DGKK: variants seen among roughly 807,000 people sequenced by gnomAD.
DGKK encodes the protein diacylglycerol kinase kappa.
In DGKK, 35 loss-of-function variants were observed where a neutral mutation model predicts 92.2. The observed-to-expected ratio is 0.38, with a 90% CI of 0.29 to 0.50. The LOEUF (loss-of-function observed/expected upper bound fraction) is 0.50, where lower values mean the gene tolerates loss of function less well. Among genes scored for constraint, DGKK ranks in the 20% least tolerant of loss-of-function variants. DGKK has a pLI of 0.92. For missense variants in DGKK, 910 were observed against 992.2 expected (o/e 0.92, Z 1.11); for synonymous variants, 368 against 360.6 (o/e 1.02, Z -0.23).
At chrX:50,465,313 G>A (rs1926869831) in intron 1 of DGKK, among the ~76,000 whole-genome samples, 3 of 109,173 alleles carry the variant, frequency 2.7e-5, no homozygotes, top group Non-Finnish European at 5.7e-5. Flanking sequence ...TTCATTATCT[G>A]GGGTCACTGT....
Position 50,408,624 on chromosome X carries a change from C to A in DGKK, c.943-4440G>T, listed in dbSNP as rs192927290. Among the ~76,000 whole-genome samples the A allele has an allele frequency of 0.015, 1,662 of 110,605 alleles. 80 individuals are homozygous for A. In the East Asian group the frequency reaches 0.23, roughly 15 times the overall value. On this transcript the variant is annotated intron_variant, in intron 4 of 27. Coordinates refer to ENST00000611977, the MANE Select transcript of DGKK (RefSeq NM_001013742.4). ...GGTCTCGATCTCCTGACCTCGTGAT[C>A]CGCCCGCCTCGGCCTCCCAAAGTGC...
intron 27 of DGKK, 81 bp from the exon 28 acceptor site, chrX:50,369,100 C>T (rs1439458325): frequency 1.4e-6 from 1 of 737,112 alleles, no homozygotes; most frequent in East Asian, 3.4e-5. Flanking sequence ...CAAAAGAGAG[C>T]AAAAAGTCTG....
chrX:50,394,840 T>C (rs1557225931), intron 8 of DGKK, among the ~76,000 whole-genome samples: 1 of 111,146 alleles, frequency 9.0e-6, no homozygotes, highest in Non-Finnish European at 1.9e-5. Flanking sequence ...AGACAGAGTG[T>C]CAGGGATGGC....
chrX:50,443,870 C>T (rs1926226187), intron 1 of DGKK, among the ~76,000 whole-genome samples: 1 of 110,553 alleles, frequency 9.0e-6, no homozygotes, highest in African/African-American at 3.3e-5. Flanking sequence ...CTGCCCCCTC[C>T]CATCCCTAAT....
Position 50,386,602 on chromosome X carries a change from G to A in DGKK, c.2119-16C>T. ...TTAAGTCACTCTATATAGAAAGGAA[G>A]GAGACAGGGCATTGTTATGAGGGAC... On this transcript the variant is annotated splice_polypyrimidine_tract_variant and intron_variant, in intron 14 of 27. Coordinates refer to ENST00000611977, the MANE Select transcript of DGKK (RefSeq NM_001013742.4). The A allele has an allele frequency of 8.5e-7, 1 of 1,176,881 alleles. No individual in the cohort carries two copies. Among genetic ancestry groups the A allele is most frequent in the African/African-American group, 1.7e-5 (1 of 57,151 alleles).
intron 1 of DGKK, among the ~76,000 whole-genome samples, chrX:50,456,888 T>TATCCC (rs1926624500): frequency 7.2e-5 from 8 of 111,787 alleles, no homozygotes; most frequent in African/African-American, 2.3e-4. Context: ...TCTGGGTGTC[T>TATCCC]AGCCCGGAGG....
intron 15 of DGKK, among the ~76,000 whole-genome samples, 176 bp from the exon 16 acceptor site, chrX:50,385,000 C>A (rs1007182733): frequency 8.9e-6 from 1 of 112,079 alleles, no homozygotes; most frequent in African/African-American, 3.2e-5. Flanking sequence ...TCGACCATCA[C>A]GTCTCCTCCA....
chrX:50,398,535 A>G (rs1000797300), intron 8 of DGKK, among the ~76,000 whole-genome samples: 4 of 112,202 alleles, frequency 3.6e-5, no homozygotes, highest in African/African-American at 1.3e-4. Context: ...TAAATAAGAC[A>G]CCAAACAAAA....
chrX:50,450,381 G>A (rs1368024973), intron 1 of DGKK, among the ~76,000 whole-genome samples: 1 of 111,926 alleles, frequency 8.9e-6, no homozygotes, highest in Non-Finnish European at 1.9e-5. Flanking sequence ...GAACTGTGAT[G>A]GGAACTTGGA....
Position 50,384,163 on chromosome X carries a change from C to G in DGKK, c.2549+5G>C, listed in dbSNP as rs1557224700. 1 of 1,122,899 alleles carries G rather than the reference C, an allele frequency of 8.9e-7. No homozygotes were observed. The highest frequency in any genetic ancestry group is 2.5e-5 in the Admixed American group (1 of 39,434). 92.5% of individuals were successfully genotyped at this position (1,122,899 alleles called of 1,213,427 possible). A position where few individuals can be genotyped will look rare whatever the true frequency, so the allele number is the denominator to read the frequency against. On this transcript the variant is annotated splice_donor_5th_base_variant and intron_variant, in intron 17 of 27. Coordinates refer to ENST00000611977, the MANE Select transcript of DGKK (RefSeq NM_001013742.4). ...CATTAAAAGGTGATAGAGTTAAATACTTACATAGATTCAGGTGTAAAATGT... is the reference window on the plus strand; with the variant it reads ...CATTAAAAGGTGATAGAGTTAAATAGTTACATAGATTCAGGTGTAAAATGT...
rs185005508 is a variant in DGKK, at chrX:50,376,028, A to G, written c.3410T>C (p.Ile1137Thr). 34 of 1,207,891 alleles carry G rather than the reference A, an allele frequency of 2.8e-5. No individual in the cohort carries two copies. Among genetic ancestry groups the G allele is most frequent in the East Asian group, 1.2e-4 (4 of 33,737 alleles). The change falls in exon 24 of 28, where the codon ATT becomes ACT. Residue 1137 changes from isoleucine to threonine, a missense_variant. By Grantham distance (89) the Ile-to-Thr change is moderately conservative (BLOSUM62 -1). Coordinates refer to ENST00000611977, the MANE Select transcript of DGKK (RefSeq NM_001013742.4). ...AATTCACTCCTTTCTACTTACTTCA[A>G]TGGGAATACAGGAAGCTGCACCCAT... ...NEMGAASCIP[I>T]ETLSRNDAVD...
chrX:50,390,478 G>A, intron 11 of DGKK, 69 bp from the exon 12 acceptor site: 1 of 1,009,589 alleles, frequency 9.9e-7, no homozygotes, highest in Non-Finnish European at 1.4e-6. Flanking sequence ...GTGCTTCAAA[G>A]GTGAAGACAG....
At chrX:50,419,312 T>C (rs1557228867) in intron 4 of DGKK, among the ~76,000 whole-genome samples, 1 of 111,436 alleles carries the variant, frequency 9.0e-6, no homozygotes, top group African/African-American at 3.3e-5. Flanking sequence ...GGAGAATGTA[T>C]AGTTATGAGA....
intron 1 of DGKK, among the ~76,000 whole-genome samples, chrX:50,427,195 G>A (rs1430629419): frequency 4.5e-5 from 5 of 111,320 alleles, no homozygotes; most frequent in Non-Finnish European, 9.4e-5. Flanking sequence ...ATAAAGCCAC[G>A]GAAAGACATG....
chrX:50,452,750 G>C (rs552250923), intron 1 of DGKK, among the ~76,000 whole-genome samples: 5 of 112,113 alleles, frequency 4.5e-5, no homozygotes, highest in African/African-American at 1.6e-4. Flanking sequence ...TTTGAGCCTA[G>C]AATTTTAAAG....
intron 14 of DGKK, 67 bp downstream of exon 14, chrX:50,387,487 G>A: frequency 2.4e-6 from 2 of 839,859 alleles, no homozygotes; most frequent in South Asian, 4.6e-5. Flanking sequence ...AGGCATGTTT[G>A]CTTTTTATTA....
chrX:50,437,711 A>T (rs782531260), intron 1 of DGKK, among the ~76,000 whole-genome samples: 1 of 111,770 alleles, frequency 8.9e-6, no homozygotes, highest in East Asian at 2.8e-4. Flanking sequence ...GGGAGGAGGA[A>T]GAGGAGTAGG....
At position 50,384,798 on chromosome X, in the gene DGKK, T is replaced by C. The variant is rs1367930964; in HGVS notation, c.2374A>G (p.Ile792Val). ...QALDEESRQT[I>V]SVKNFSSTFF... is the part of the protein sequence containing the mutation. ...GTTGAACTAAAGTTCTTAACAGATATTGTCTGTCTGCTTTCCTCATCCAGA... is the reference window on the plus strand; with the variant it reads ...GTTGAACTAAAGTTCTTAACAGATACTGTCTGTCTGCTTTCCTCATCCAGA... Residue 792 changes from isoleucine to valine, a missense_variant, in exon 16 of 28, where the codon ATA (isoleucine) becomes GTA (valine). Physicochemically the swap from Ile to Val is conservative, Grantham distance 29 (BLOSUM62 3). Transcript: ENST00000611977. 3.3e-6 allele frequency: 4 copies of C among 1,206,768 alleles called. No homozygotes were observed. Among genetic ancestry groups the C allele is most frequent in the South Asian group, 1.8e-5 (1 of 56,355 alleles).
intron 1 of DGKK, among the ~76,000 whole-genome samples, chrX:50,425,309 A>G (rs903585094): frequency 9.0e-6 from 1 of 111,154 alleles, no homozygotes; most frequent in Non-Finnish European, 1.9e-5. Context: ...TAATATTTGA[A>G]AGGTGGAAGA....
Sources: gnomAD v4.1 joint callset for allele counts (sites outside exome capture counted in the v4.1 genomes callset) on GRCh38, gnomAD v4.1.1 for gene constraint, MANE v1.5 for transcripts, NCBI Gene and HGNC (gene_info 2026-07-23, HGNC 2026-07-21) for gene names.